The following QSOX1 variants were observed in gnomAD, a reference collection of about 807,000 sequenced individuals.
QSOX1 encodes sulfhydryl oxidase 1.
QSOX1 carries 40 observed loss-of-function variants against 76.1 expected under a neutral mutation model. That is an observed-to-expected ratio of 0.53 (90% CI 0.41 to 0.68). QSOX1 has a LOEUF of 0.68. Ranked by LOEUF, QSOX1 falls within the 30% of genes least tolerant of loss-of-function variation. The probability of loss-of-function intolerance (pLI) is 0.00; values close to 1 mark genes in which losing one functional copy is unlikely to be tolerated. For missense variants in QSOX1, 931 were observed against 974.3 expected (o/e 0.96, Z 0.59); for synonymous variants, 392 against 413.1 (o/e 0.95, Z 0.62).
Position 180,196,290 on chromosome 1 carries a change from CA to C in QSOX1, c.1499del (p.Lys500ArgfsTer86), listed in dbSNP as rs1444524256. 1.9e-6 allele frequency: 3 copies of C among 1,612,878 alleles called. No homozygotes were observed. Among genetic ancestry groups the C allele is most frequent in the Non-Finnish European group, 2.5e-6 (3 of 1,179,128 alleles). ...GAPSEDPQFPKVQWPPRELCS... is the reference protein window; with the variant it reads ...GAPSEDPQFPXVQWPPRELCS... ...CCCCCAGCGAGGACCCCCAGTTCCC[CA>C]AGGTGCAGTGGCCACCCCGTGAACT... On this transcript the variant is annotated frameshift_variant, in exon 12 of 12. Transcript: ENST00000367602. LOFTEE classifies it high-confidence loss of function. The surrounding 1 kb of genome is among the most constrained non-coding windows in gnomAD (Gnocchi z 4.1).
chr1:180,175,157 A>AT (rs1662857484), intron 2 of QSOX1, among the ~76,000 whole-genome samples, 164 bp from the exon 3 acceptor site: 1 of 12,800 alleles, frequency 7.8e-5, no homozygotes, highest in Non-Finnish European at 3.2e-4. Flanking sequence ...ACTCTGTCTC[A>AT]AAAAAAAAAA....
chr1:180,155,461 C>T (rs1227822862), intron 1 of QSOX1, among the ~76,000 whole-genome samples: 1 of 152,214 alleles, frequency 6.6e-6, no homozygotes, highest in Non-Finnish European at 1.5e-5. Flanking sequence ...CAGGTTACTG[C>T]CTCCTTCCCT....
chr1:180,182,993 C>T (rs1396656178), intron 6 of QSOX1, among the ~76,000 whole-genome samples: 1 of 152,170 alleles, frequency 6.6e-6, no homozygotes, highest in Non-Finnish European at 1.5e-5. Flanking sequence ...CACTTGGCCT[C>T]ACCCTGGCCC....
intron 1 of QSOX1, among the ~76,000 whole-genome samples, chr1:180,160,417 G>A (rs192419637): frequency 1.5e-3 from 220 of 151,400 alleles, no homozygotes; most frequent in Admixed American, 3.2e-3. Flanking sequence ...GAACACATGG[G>A]TCTAAAAGTC....
chr1:180,184,728 T>C (rs1663127713), intron 7 of QSOX1, among the ~76,000 whole-genome samples: 1 of 152,016 alleles, frequency 6.6e-6, no homozygotes, highest in Non-Finnish European at 1.5e-5. Flanking sequence ...ACCAGGGAGC[T>C]CAGAGCTGGC....
In QSOX1 at chr1:180,196,958, T is replaced by C; in HGVS notation, c.2165T>C (p.Met722Thr). 1 of 1,610,640 alleles carries C rather than the reference T, an allele frequency of 6.2e-7. No individual in the cohort carries two copies. The highest frequency in any genetic ancestry group is 8.5e-7 in the Non-Finnish European group (1 of 1,177,878). ...LCVGLYSLSF[M>T]GLLAMYTYFQ... ...GTGGGGCTCTATTCCCTGTCCTTCA[T>C]GGGCCTGCTGGCCATGTACACCTAC... is the stretch of plus-strand genomic sequence containing the variant. Residue 722 changes from methionine to threonine, a missense_variant, in exon 12 of 12, where the codon ATG (methionine) becomes ACG (threonine). Transcript: ENST00000367602. This position sits in a 1 kb window ranked among gnomAD's most constrained non-coding sequence, Gnocchi z 4.1.
At chr1:180,166,066 C>T (rs1476793076) in intron 1 of QSOX1, among the ~76,000 whole-genome samples, 1 of 152,076 alleles carries the variant, frequency 6.6e-6, no homozygotes, top group Non-Finnish European at 1.5e-5. Flanking sequence ...TCCAGATCCC[C>T]TAAGGCATGT....
In QSOX1 at chr1:180,200,703, T is replaced by C. The variant is rs1233654521; in HGVS notation, c.*3666T>C. The C allele has an allele frequency of 6.6e-6, 1 of 152,136 alleles. No homozygotes were observed. Among genetic ancestry groups the C allele is most frequent in the Non-Finnish European group, 1.5e-5 (1 of 68,004 alleles). 9.4% of individuals were successfully genotyped at this position (152,136 alleles called of 1,614,324 possible). ...TCCCCTTTACTCCCACCAAAATAAA[T>C]ACATTTGCCCTATTCTCCCAAATGG... is the stretch of plus-strand genomic sequence containing the variant. On this transcript the variant is annotated 3_prime_UTR_variant, in exon 12 of 12. Coordinates refer to ENST00000367602, the MANE Select transcript of QSOX1 (RefSeq NM_002826.5).
chr1:180,191,241 C>T (rs968197389), intron 10 of QSOX1, among the ~76,000 whole-genome samples: 12 of 152,196 alleles, frequency 7.9e-5, no homozygotes, highest in Non-Finnish European at 1.5e-4. Flanking sequence ...CGACAGTGCC[C>T]GCTCTTGGTG....
At chr1:180,165,747 G>A (rs1662600732) in intron 1 of QSOX1, among the ~76,000 whole-genome samples, 1 of 152,366 alleles carries the variant, frequency 6.6e-6, no homozygotes, top group Non-Finnish European at 1.5e-5. Context: ...CACCTGACCT[G>A]GAACCTGAGC....
intron 10 of QSOX1, among the ~76,000 whole-genome samples, chr1:180,193,270 C>T (rs925968548): frequency 5.9e-5 from 9 of 151,906 alleles, no homozygotes; most frequent in East Asian, 1.9e-4. Flanking sequence ...TGGGGTAACC[C>T]GAGCAGCAGC....
chr1:180,178,237 GT>G (rs758470925), intron 4 of QSOX1, among the ~76,000 whole-genome samples: 2 of 152,208 alleles, frequency 1.3e-5, no homozygotes, highest in South Asian at 4.1e-4. Context: ...GACTCTTTTT[GT>G]TTGTTTGTTT....
rs140837427 is a variant in QSOX1 at position 180,197,055 on chromosome 1, C to T, written c.*18C>T. 398 of 1,589,452 alleles carry T rather than the reference C, an allele frequency of 2.5e-4. 1 individual carries two copies. In the East Asian group the frequency reaches 8.1e-3, roughly 32 times the overall value. On this transcript the variant is annotated 3_prime_UTR_variant, in exon 12 of 12. Coordinates refer to ENST00000367602, the MANE Select transcript of QSOX1 (RefSeq NM_002826.5). ...CAGCCTGAACCACCTGGGGAGGAGG[C>T]GGGAGAGGGAGCTGCCATCTCTAGG...
intron 10 of QSOX1, among the ~76,000 whole-genome samples, chr1:180,191,232 G>A (rs189155343): frequency 2.0e-5 from 3 of 152,336 alleles, no homozygotes; most frequent in Middle Eastern, 3.4e-3. Context: ...TGAAAAGGGC[G>A]ACAGTGCCCG....
In QSOX1 at chr1:180,189,665, C is replaced by A; in HGVS notation, c.1131C>A (p.Asp377Glu). The change falls in exon 9 of 12, where the codon GAC becomes GAA. Residue 377 changes from aspartate (D) to glutamate (E), a missense_variant. Transcript: ENST00000367602. ...GTTTCTTTAAAACTGCCCTGGACGA[C>A]AGGAAAGAGGTGAGTCTGGGAAGCA... ...PYSFFKTALD[D>E]RKEGAVLAKK... 6.2e-7 allele frequency: 1 copy of A among 1,612,722 alleles called. No homozygotes were observed. The highest frequency in any genetic ancestry group is 1.1e-5 in the South Asian group (1 of 91,040).
intron 2 of QSOX1, among the ~76,000 whole-genome samples, chr1:180,168,512 A>T (rs1270851497): frequency 6.6e-6 from 1 of 152,244 alleles, no homozygotes; most frequent in Non-Finnish European, 1.5e-5. Context: ...GGTCCTATGC[A>T]GCGGCTCTCA....
Position 180,197,306 on chromosome 1 carries a change from T to A in QSOX1, c.*269T>A. On this transcript the variant is annotated 3_prime_UTR_variant, in exon 12 of 12. Transcript: ENST00000367602. ...GCATAGGGCAGCTCAGTCCCTGGCC[T>A]CTTAGCACCACATTCCTGTTTTTCA... is the stretch of plus-strand genomic sequence containing the variant. The A allele has an allele frequency of 1.9e-6, 3 of 1,613,978 alleles. No individual in the cohort carries two copies. The highest frequency in any genetic ancestry group is 2.5e-6 in the Non-Finnish European group (3 of 1,180,016).
At chr1:180,190,933 A>G (rs148427487) in intron 10 of QSOX1, among the ~76,000 whole-genome samples, 30 of 152,322 alleles carry the variant, frequency 2.0e-4, no homozygotes, top group African/African-American at 7.0e-4. Context: ...TATACTCTTA[A>G]CAAAGAAAAA....
chr1:180,161,948 C>G (rs12036985), intron 1 of QSOX1, among the ~76,000 whole-genome samples: 1 of 152,062 alleles, frequency 6.6e-6, no homozygotes, highest in Non-Finnish European at 1.5e-5. Context: ...TGAAGCACTT[C>G]AGGATTATAG....
Sources: allele counts gnomAD v4.1 joint callset (sites outside exome capture counted in the v4.1 genomes callset), GRCh38; gene constraint gnomAD v4.1.1; non-coding constraint Gnocchi (gnomAD v3.1); transcripts MANE v1.5; gene names NCBI Gene and HGNC (gene_info 2026-07-23, HGNC 2026-07-21).